The following GBE1 variants were observed in gnomAD, a reference collection of about 807,000 sequenced individuals.
GBE1 encodes the protein 1,4-alpha-glucan branching enzyme 1, also known as 1,4-alpha-glucan-branching enzyme.
A neutral mutation model predicts 88.8 loss-of-function variants in GBE1; 70 were observed. The observed-to-expected ratio is 0.79, with a 90% CI of 0.65 to 0.96. GBE1 has a LOEUF of 0.96. Among genes scored for constraint, GBE1 ranks in the 40% least tolerant of loss-of-function variants. GBE1 has a pLI of 0.00. For synonymous variants in GBE1, 284 were observed against 300.1 expected (o/e 0.95, Z 0.56); for missense variants, 872 against 871.0 (o/e 1.00, Z -0.01).
intron 1 of GBE1, among the ~76,000 whole-genome samples, chr3:81,754,421 C>T (rs182064328): frequency 6.8e-4 from 102 of 150,780 alleles, no homozygotes; most frequent in East Asian, 9.7e-4. Context: ...CCTATCAAAA[C>T]GCTGATTATC....
intron 2 of GBE1, among the ~76,000 whole-genome samples, chr3:81,686,465 T>G (rs890885528): frequency 1.3e-5 from 2 of 152,000 alleles, no homozygotes; most frequent in Admixed American, 6.6e-5. Context: ...AGATAAATTT[T>G]AAAGACACTG....
intron 7 of GBE1, among the ~76,000 whole-genome samples, chr3:81,622,395 C>G (rs545180981): frequency 1.3e-5 from 2 of 152,288 alleles, no homozygotes; most frequent in Admixed American, 1.3e-4. Context: ...ATCTTCTTAG[C>G]TTCCAGCTTC....
chr3:81,581,032 C>A, intron 11 of GBE1, 133 bp downstream of exon 11: 1 of 548,762 alleles, frequency 1.8e-6, no homozygotes, highest in Non-Finnish European at 3.2e-6. Flanking sequence ...AATACACACA[C>A]ACACATACAC....
chr3:81,742,961 C>A (rs3849570), intron 1 of GBE1, among the ~76,000 whole-genome samples: 58,667 of 151,878 alleles, frequency 0.39, 11,692 homozygotes, highest in East Asian at 0.51. Flanking sequence ...ATAAATATTT[C>A]TAGATTCCTA....
intron 12 of GBE1, among the ~76,000 whole-genome samples, chr3:81,564,496 G>C (rs1703465494): frequency 3.9e-5 from 6 of 152,008 alleles, no homozygotes; most frequent in Admixed American, 3.9e-4. Context: ...GAGATAGTTA[G>C]GTTCAGTTGC....
At chr3:81,511,912 C>T (rs761395601) in intron 14 of GBE1, among the ~76,000 whole-genome samples, 24 of 150,272 alleles carry the variant, frequency 1.6e-4, no homozygotes, top group Middle Eastern at 6.9e-3. Context: ...TATCACAATA[C>T]GATTTACAAT....
chr3:81,665,515 G>T (rs1445117813), intron 3 of GBE1, among the ~76,000 whole-genome samples: 3 of 144,966 alleles, frequency 2.1e-5, no homozygotes, highest in African/African-American at 7.7e-5. Context: ...CAGCCTGGGG[G>T]ACACAGCGAG....
At chr3:81,719,863 T>C (rs987272736) in intron 1 of GBE1, among the ~76,000 whole-genome samples, 6 of 152,146 alleles carry the variant, frequency 3.9e-5, no homozygotes, top group African/African-American at 1.4e-4. Flanking sequence ...AATTGACACT[T>C]TGCATATCAA....
intron 14 of GBE1, among the ~76,000 whole-genome samples, chr3:81,500,242 T>G (rs1348629510): frequency 6.6e-6 from 1 of 152,096 alleles, no homozygotes; most frequent in African/African-American, 2.4e-5. Flanking sequence ...AATCAGAATA[T>G]TACTGAGTTG....
chr3:81,749,147 T>C (rs150289639), intron 1 of GBE1, among the ~76,000 whole-genome samples: 1 of 152,124 alleles, frequency 6.6e-6, no homozygotes, highest in Non-Finnish European at 1.5e-5. Flanking sequence ...AATATTCATA[T>C]CTTAGGTTTA....
intron 7 of GBE1, among the ~76,000 whole-genome samples, chr3:81,630,953 A>G (rs1392221393): frequency 6.6e-6 from 1 of 152,214 alleles, no homozygotes; most frequent in Non-Finnish European, 1.5e-5. Context: ...CTATAATCCT[A>G]GCACTTTCAG....
intron 2 of GBE1, among the ~76,000 whole-genome samples, chr3:81,700,522 C>T (rs1486966925): frequency 6.6e-6 from 1 of 152,148 alleles, no homozygotes; most frequent in East Asian, 1.9e-4. Flanking sequence ...TGCCAAATTG[C>T]TATCAACATT....
chr3:81,725,820 C>T (rs988566783), intron 1 of GBE1, among the ~76,000 whole-genome samples: 2 of 152,166 alleles, frequency 1.3e-5, no homozygotes, highest in Non-Finnish European at 2.9e-5. Flanking sequence ...CATTGACTAA[C>T]AAATCTTCAG....
chr3:81,577,856 T>C, intron 12 of GBE1, 69 bp downstream of exon 12: 2 of 1,253,458 alleles, frequency 1.6e-6, no homozygotes, highest in Middle Eastern at 1.9e-4. Context: ...CAAAATATTC[T>C]ACATGATTTA....
chr3:81,602,617 C>G (rs1487375374), intron 7 of GBE1, among the ~76,000 whole-genome samples: 1 of 152,014 alleles, frequency 6.6e-6, no homozygotes, highest in Non-Finnish European at 1.5e-5. Flanking sequence ...CCATTCAGAG[C>G]GTGGAGCCCT....
chr3:81,510,487 C>A (rs999607139), intron 14 of GBE1, among the ~76,000 whole-genome samples: 2 of 152,076 alleles, frequency 1.3e-5, no homozygotes, highest in African/African-American at 4.8e-5. Flanking sequence ...TAAAGCAAAG[C>A]TTGCAGGTGT....
intron 9 of GBE1, among the ~76,000 whole-genome samples, chr3:81,587,934 T>C (rs370812353): frequency 1.3e-5 from 2 of 152,326 alleles, no homozygotes; most frequent in East Asian, 3.9e-4. Flanking sequence ...TACTATTTCA[T>C]TTTAATTACT....
intron 14 of GBE1, among the ~76,000 whole-genome samples, chr3:81,521,660 G>C (rs909543226): frequency 2.6e-5 from 4 of 151,560 alleles, no homozygotes; most frequent in Admixed American, 2.0e-4. Flanking sequence ...TGCTGGTTAT[G>C]GGAGATGCTA....
chr3:81,749,089 A>G (rs999083621), intron 1 of GBE1, among the ~76,000 whole-genome samples: 9 of 152,186 alleles, frequency 5.9e-5, no homozygotes, highest in Non-Finnish European at 1.2e-4. Flanking sequence ...TGACCCAGCT[A>G]TCACAGCATT....
Sources: gnomAD v4.1 joint callset for allele counts (sites outside exome capture counted in the v4.1 genomes callset) on GRCh38, gnomAD v4.1.1 for gene constraint, MANE v1.5 for transcripts, NCBI Gene and HGNC (gene_info 2026-07-23, HGNC 2026-07-21) for gene names.